CHD5: variants seen among roughly 807,000 people sequenced by gnomAD.
CHD5 encodes ATP-dependent chromatin remodeler CHD5.
CHD5 carries 69 observed loss-of-function variants against 230.3 expected under a neutral mutation model. The ratio of observed to expected loss-of-function variants is 0.30; its 90% CI spans 0.25 to 0.37. The LOEUF is 0.37. Ranked by LOEUF, CHD5 falls within the 10% of genes least tolerant of loss-of-function variation. CHD5 has a pLI of 1.00. For synonymous variants in CHD5, 1,064 were observed against 1,065.9 expected (o/e 1.00, Z 0.03); for missense variants, 1,827 against 2,622.8 (o/e 0.70, Z 6.63).
At chr1:6,110,296 G>C in intron 37 of CHD5, 98 bp downstream of exon 37, 1 of 1,395,948 alleles carries the variant, frequency 7.2e-7, no homozygotes, top group African/African-American at 1.4e-5. Context: ...AGGTACACGG[G>C]GAGGGGTTGC....
At chr1:6,117,161 A>G (rs992369532) in intron 33 of CHD5, among the ~76,000 whole-genome samples, 1 of 152,170 alleles carries the variant, frequency 6.6e-6, no homozygotes, top group Non-Finnish European at 1.5e-5. Flanking sequence ...AAAAAAGGAG[A>G]AAAGAGAAGG....
Position 6,134,941 on chromosome 1 carries a change from G to A in CHD5, c.2871-82C>T. The A allele has an allele frequency of 6.4e-7, 1 of 1,564,282 alleles. No individual in the cohort carries two copies. Among genetic ancestry groups the A allele is most frequent in the Non-Finnish European group, 8.8e-7 (1 of 1,141,586 alleles). ...TCTCTGCTCTGCAGTGGGGCTGGAA[G>A]CTGGTGGCCAAGCACCCATTTACAG... On this transcript the variant is annotated intron_variant, in intron 18 of 41. Transcript: ENST00000262450. This position sits in a 1 kb window ranked among gnomAD's most constrained non-coding sequence, Gnocchi z 6.3.
rs532120175 is a variant in CHD5, at chr1:6,120,638, T to C, written c.4912+467A>G. 3.0e-4 allele frequency among the ~76,000 whole-genome samples: 45 copies of C among 152,094 alleles called. No individual in the cohort carries two copies. In the South Asian group the frequency reaches 8.9e-3, roughly 30 times the overall value. ...CCAACATGGCAAAACCCAGTCTCTA[T>C]TAAAAATACAAAAATTAGTTGGGTG... On this transcript the variant is annotated intron_variant, in intron 33 of 41. Transcript: ENST00000262450.
rs1050946936 is a variant in CHD5, at chr1:6,126,830, C to T, written c.3904-84G>A. ...TCAGGCTGCCTCCACCTGACCTGCC[C>T]TTTGCCCCCTCAGGGCTCAAGGATT... On this transcript the variant is annotated intron_variant, in intron 25 of 41. Transcript: ENST00000262450. The surrounding 1 kb of genome is among the most constrained non-coding windows in gnomAD (Gnocchi z 5.7). The T allele has an allele frequency of 2.0e-5, 27 of 1,320,926 alleles. No homozygotes were observed. Among genetic ancestry groups the T allele is most frequent in the Non-Finnish European group, 2.8e-5 (26 of 944,828 alleles). The allele number at this position is 1,320,926 out of a possible 1,614,324, so 81.8% of individuals were successfully genotyped here.
At chr1:6,149,510 C>CT (rs1666967071) in intron 7 of CHD5, 98 bp from the exon 8 acceptor site, 1 of 1,228,230 alleles carries the variant, frequency 8.1e-7, no homozygotes, top group South Asian at 1.9e-5. Context: ...GAGTAGATGT[C>CT]TAATAGAGGG....
At chr1:6,151,274 G>T in intron 6 of CHD5, 119 bp from the exon 7 acceptor site, 1 of 1,226,316 alleles carries the variant, frequency 8.2e-7, no homozygotes, top group Non-Finnish European at 1.1e-6. Flanking sequence ...TGCTCTCTGT[G>T]ATTCATCTCA....
intron 25 of CHD5, chr1:6,127,260 G>A (rs953701401): frequency 1.3e-4 from 21 of 159,414 alleles, no homozygotes; most frequent in Non-Finnish European, 2.2e-4. Flanking sequence ...GCCGAAGCAG[G>A]TAGATCACCT....
intron 9 of CHD5, 145 bp downstream of exon 9, chr1:6,148,709 G>A: frequency 1.7e-6 from 1 of 578,742 alleles, no homozygotes. Flanking sequence ...AGCAGCGCGG[G>A]CGAAGCTTTG....
chr1:6,168,207 C>G lies in CHD5; in HGVS notation c.150G>C (p.Lys50Asn), dbSNP rs757091559. 6.2e-7 allele frequency: 1 copy of G among 1,612,408 alleles called. No homozygotes were observed. Among genetic ancestry groups the G allele is most frequent in the East Asian group, 2.2e-5 (1 of 44,814 alleles). The change falls in exon 2 of 42, where the codon AAG becomes AAC. Residue 50 changes from lysine (K) to asparagine (N), a missense_variant. Lys to Asn is a moderately conservative substitution (Grantham distance 94). Around this residue, in one of 14 missense-constraint regions of CHD5, gnomAD observed 113 missense variants for 91.9 expected, o/e 1.23. Transcript: ENST00000262450. ...FPVEPVSLPK[K>N]KKPKKLKENK... is the part of the protein sequence containing the mutation. ...TTTCCTTGAGCTTCTTGGGTTTCTT[C>G]TTCTTAGGAAGGCTCACGGGCTCCA...
intron 9 of CHD5, among the ~76,000 whole-genome samples, chr1:6,147,559 T>C (rs1182365530): frequency 1.3e-5 from 2 of 152,200 alleles, no homozygotes; most frequent in South Asian, 2.1e-4. Flanking sequence ...GGGAGCAGCC[T>C]TGGCCCTCCA....
chr1:6,151,120 G>A lies in CHD5; in HGVS notation c.906C>T (p.Asp302=), dbSNP rs1328551274. Residue 302 remains aspartate, a synonymous_variant, in exon 7 of 42, where the codon GAC becomes GAT. Coordinates refer to ENST00000262450, the MANE Select transcript of CHD5 (RefSeq NM_015557.3). ...EEDEREESDF[D]SASIHSASVR... Reference sequence around the variant, plus strand: ...CGGAGGCACTGTGGATGCTGGCGCTGTCGAAGTCCGACTCCTCCCTCTCAT... The same window carrying A: ...CGGAGGCACTGTGGATGCTGGCGCTATCGAAGTCCGACTCCTCCCTCTCAT... 1.2e-6 allele frequency: 2 copies of A among 1,610,024 alleles called. No homozygotes were observed. Among genetic ancestry groups the A allele is most frequent in the East Asian group, 2.2e-5 (1 of 44,698 alleles).
chr1:6,144,375 G>A (rs1157485893), intron 11 of CHD5, among the ~76,000 whole-genome samples: 1 of 152,140 alleles, frequency 6.6e-6, no homozygotes, highest in Non-Finnish European at 1.5e-5. Context: ...AGCTGGAGAG[G>A]GACACGGAGG....
At position 6,121,151 on chromosome 1, in the gene CHD5, T is replaced by C. The variant is rs1157994744; in HGVS notation, c.4866A>G (p.Pro1622=). The change falls in exon 33 of 42, where the codon CCA becomes CCG. Residue 1622 remains proline, a synonymous_variant. Coordinates refer to ENST00000262450, the MANE Select transcript of CHD5 (RefSeq NM_015557.3). This position sits in a 1 kb window ranked among gnomAD's most constrained non-coding sequence, Gnocchi z 4.5. ...ASKERAREER[P]EETEKAPPSP... is the part of the protein sequence containing the mutation. ...AGGGCGGGGCCTTCTCCGTCTCCTC[T>C]GGCCGCTCCTCTCGGGCTCTCTCCT... 3 of 1,613,824 alleles carry C rather than the reference T, an allele frequency of 1.9e-6. No individual in the cohort carries two copies. The highest frequency in any genetic ancestry group is 3.3e-5 in the Admixed American group (2 of 59,954).
chr1:6,110,620 G>GCCAGTCCCGGTGGCCAGGAGGGGCCA, intron 36 of CHD5, 94 bp from the exon 37 acceptor site: 1 of 1,366,158 alleles, frequency 7.3e-7, no homozygotes, highest in Non-Finnish European at 1.0e-6. Context: ...CCAGCCCGGG[G>GCCAGTCCCGGTGGCCAGGAGGGGCCA]GTCGGCATTC....
rs1319724942 is a variant in CHD5, at chr1:6,154,258, C to A, written c.745+402G>T. Among the ~76,000 whole-genome samples, 2 of 152,176 alleles carry A rather than the reference C, an allele frequency of 1.3e-5. No homozygotes were observed. Among genetic ancestry groups the A allele is most frequent in the Non-Finnish European group, 2.9e-5 (2 of 68,024 alleles). Reference sequence around the variant, plus strand: ...ACGGGCTCGACTGGGGCCTCCTCCTCCTCCCCAGAAACGGCACAGGCTCAA... The same window carrying A: ...ACGGGCTCGACTGGGGCCTCCTCCTACTCCCCAGAAACGGCACAGGCTCAA... On this transcript the variant is annotated intron_variant, in intron 5 of 41. Transcript: ENST00000262450. The surrounding 1 kb of genome is among the most constrained non-coding windows in gnomAD (Gnocchi z 7.0).
In CHD5 at chr1:6,142,374, G is replaced by A. The variant is rs1666842000; in HGVS notation, c.2235+40C>T. On this transcript the variant is annotated intron_variant, in intron 14 of 41. Coordinates refer to ENST00000262450, the MANE Select transcript of CHD5 (RefSeq NM_015557.3). The surrounding 1 kb of genome is among the most constrained non-coding windows in gnomAD (Gnocchi z 5.2). ...CGTGAGACCACCTGCCCTTGGCCAG[G>A]ACCAGCCACCCCTCCTGGCCGCCTG... 6.3e-7 allele frequency: 1 copy of A among 1,596,290 alleles called. No homozygotes were observed. The highest frequency in any genetic ancestry group is 1.3e-5 in the African/African-American group (1 of 74,622).
intron 25 of CHD5, among the ~76,000 whole-genome samples, chr1:6,127,459 C>T (rs909536830): frequency 6.6e-6 from 1 of 151,070 alleles, no homozygotes; most frequent in Non-Finnish European, 1.5e-5. Flanking sequence ...GCACTCCAGC[C>T]GGGGCGACAG....
Position 6,128,702 on chromosome 1 carries a change from AG to A in CHD5, c.3620-94del. ...CAGAGACACCACCCTGGGCTGTCCT[AG>A]CCAGGAGATACAGGTGGGGGGTGCA... On this transcript the variant is annotated intron_variant, in intron 23 of 41. Transcript: ENST00000262450. This position sits in a 1 kb window ranked among gnomAD's most constrained non-coding sequence, Gnocchi z 7.8. The A allele has an allele frequency of 7.7e-7, 1 of 1,298,190 alleles. No homozygotes were observed. The highest frequency in any genetic ancestry group is 1.1e-6 in the Non-Finnish European group (1 of 908,330). 80.4% of individuals were successfully genotyped at this position (1,298,190 alleles called of 1,614,324 possible).
At chr1:6,109,102 A>T (rs1217207442) in intron 38 of CHD5, among the ~76,000 whole-genome samples, 1 of 152,064 alleles carries the variant, frequency 6.6e-6, no homozygotes, top group Non-Finnish European at 1.5e-5. Flanking sequence ...AACTCCTCCC[A>T]GGAGCCCCTC....
Sources: gnomAD v4.1 joint callset for allele counts (sites outside exome capture counted in the v4.1 genomes callset) on GRCh38, gnomAD v4.1.1 for gene constraint, gnomAD v4.1.1 regional missense constraint, Gnocchi (gnomAD v3.1) non-coding constraint, MANE v1.5 for transcripts, NCBI Gene and HGNC (gene_info 2026-07-23, HGNC 2026-07-21) for gene names.